ABCB1: variants seen among roughly 807,000 people sequenced by gnomAD.
ABCB1 encodes the protein ATP-dependent translocase ABCB1.
Under a neutral mutation model 142.0 loss-of-function variants are expected in ABCB1, and 69 were observed. The observed-to-expected ratio is 0.49, with a 90% CI of 0.40 to 0.59. The LOEUF is 0.59. ABCB1 is among the 20% of genes least tolerant of loss of function. The pLI is 0.00. For missense variants in ABCB1, 1,326 were observed against 1,554.7 expected, an observed-to-expected ratio of 0.85 and a Z score of 2.47; for synonymous variants, 532 against 539.2, an observed-to-expected ratio of 0.99 and a Z score of 0.18.
At chr7:87,694,535 AC>A (rs1161606577) in intron 1 of ABCB1, among the ~76,000 whole-genome samples, 2 of 152,234 alleles carry the variant, frequency 1.3e-5, no homozygotes, top group African/African-American at 4.8e-5. Context: ...AAAGTAAAAA[AC>A]AAATGTCATT....
At chr7:87,685,509 GA>G (rs5885593) in intron 1 of ABCB1, among the ~76,000 whole-genome samples, 3 of 151,622 alleles carry the variant, frequency 2.0e-5, no homozygotes, top group Non-Finnish European at 4.4e-5. Flanking sequence ...TAATAAAAAG[GA>G]AAAAAAATTT....
intron 17 of ABCB1, 95 bp downstream of exon 17, chr7:87,544,034 T>C (rs1027811942): frequency 6.1e-5 from 89 of 1,459,428 alleles, no homozygotes; most frequent in Non-Finnish European, 1.5e-5. Flanking sequence ...GTGGATTTTG[T>C]TGTTTTTGTA....
At chr7:87,642,195 T>A (rs1055449783) in intron 1 of ABCB1, among the ~76,000 whole-genome samples, 4 of 152,010 alleles carry the variant, frequency 2.6e-5, no homozygotes, top group African/African-American at 7.2e-5. Flanking sequence ...ATATATATAT[T>A]TTTAAAACTG....
At chr7:87,687,406 C>T (rs1459045753) in intron 1 of ABCB1, among the ~76,000 whole-genome samples, 1 of 152,140 alleles carries the variant, frequency 6.6e-6, no homozygotes, top group Non-Finnish European at 1.5e-5. Context: ...CACCTCCCCT[C>T]CTTTCAACCT....
chr7:87,684,317 A>T (rs574840587), intron 1 of ABCB1, among the ~76,000 whole-genome samples: 1 of 152,298 alleles, frequency 6.6e-6, no homozygotes, highest in African/African-American at 2.4e-5. Flanking sequence ...TTTTTTGTAG[A>T]TATAAAACTT....
intron 1 of ABCB1, among the ~76,000 whole-genome samples, chr7:87,670,811 G>T (rs1825750440): frequency 6.6e-6 from 1 of 152,170 alleles, no homozygotes; most frequent in Non-Finnish European, 1.5e-5. Context: ...TGGTCAGTTG[G>T]TAGACTTGTT....
intron 20 of ABCB1, among the ~76,000 whole-genome samples, chr7:87,534,910 G>C (rs756269036): frequency 1.1e-5 from 1 of 90,560 alleles, no homozygotes; most frequent in Non-Finnish European, 1.9e-5. Context: ...GAGAGACCCT[G>C]TCTCTTTAAA....
At chr7:87,529,340 T>C (rs1815931695) in intron 21 of ABCB1, among the ~76,000 whole-genome samples, 1 of 152,206 alleles carries the variant, frequency 6.6e-6, no homozygotes, top group African/African-American at 2.4e-5. Flanking sequence ...AAGTACTAAA[T>C]AGCAGCTTGA....
At chr7:87,616,913 GGT>G (rs1160392411) in intron 1 of ABCB1, among the ~76,000 whole-genome samples, 1 of 152,086 alleles carries the variant, frequency 6.6e-6, no homozygotes, top group Non-Finnish European at 1.5e-5. Context: ...AGCTAGAATT[GGT>G]CTGTCTCTTC....
At chr7:87,623,845 G>T (rs1056895720) in intron 1 of ABCB1, among the ~76,000 whole-genome samples, 1 of 151,856 alleles carries the variant, frequency 6.6e-6, no homozygotes, top group African/African-American at 2.4e-5. Flanking sequence ...GAAAAATAAT[G>T]ACATGATAGC....
chr7:87,679,667 A>G (rs753188586), intron 1 of ABCB1, among the ~76,000 whole-genome samples: 14 of 150,328 alleles, frequency 9.3e-5, no homozygotes, highest in Non-Finnish European at 1.8e-4. Context: ...TGAGATTACA[A>G]GTGTGAACCA....
intron 3 of ABCB1, among the ~76,000 whole-genome samples, chr7:87,592,859 CCTAAGA>C (rs200950819): frequency 0.03 from 4,551 of 151,950 alleles, 64 homozygotes; most frequent in Middle Eastern, 0.048. Flanking sequence ...TTAATGTTTC[CCTAAGA>C]CACACATAAT....
intron 1 of ABCB1, among the ~76,000 whole-genome samples, chr7:87,695,053 G>T (rs535285216): frequency 6.6e-6 from 1 of 152,086 alleles, no homozygotes; most frequent in African/African-American, 2.4e-5. Context: ...TGATATACTT[G>T]AAGTGTCCTG....
At position 87,563,362 on chromosome 7, in the gene ABCB1, A is replaced by G. The variant is rs1014657107; in HGVS notation, c.703-1975T>C. 5.5e-5 allele frequency: 25 copies of G among 455,340 alleles called. No homozygotes were observed. In the Admixed American group the frequency reaches 5.9e-4, roughly 11 times the overall value. 28.2% of individuals were successfully genotyped at this position (455,340 alleles called of 1,614,324 possible). ...AAAACCTGGCAGAGATACAACAACA[A>G]AAAAACTTTGGGCCAGTATCCTTGA... On this transcript the variant is annotated intron_variant, in intron 7 of 27. Transcript: ENST00000622132.
intron 18 of ABCB1, among the ~76,000 whole-genome samples, chr7:87,539,553 T>C (rs1816441037): frequency 6.6e-6 from 1 of 152,184 alleles, no homozygotes; most frequent in Non-Finnish European, 1.5e-5. Flanking sequence ...AAACTGAGGC[T>C]TAGAGAGCCT....
intron 21 of ABCB1, among the ~76,000 whole-genome samples, chr7:87,523,776 A>G (rs1239680388): frequency 6.6e-6 from 1 of 152,200 alleles, no homozygotes; most frequent in Non-Finnish European, 1.5e-5. Flanking sequence ...ATGAGATTTC[A>G]GCCTACATCA....
At chr7:87,666,348 C>G (rs766958777) in intron 1 of ABCB1, among the ~76,000 whole-genome samples, 1 of 151,874 alleles carries the variant, frequency 6.6e-6, no homozygotes, top group Non-Finnish European at 1.5e-5. Flanking sequence ...TTGTTTTTTC[C>G]TTGTAAATTT....
intron 1 of ABCB1, among the ~76,000 whole-genome samples, chr7:87,652,043 T>C (rs1418724791): frequency 6.6e-6 from 1 of 152,132 alleles, no homozygotes; most frequent in Non-Finnish European, 1.5e-5. Flanking sequence ...AAGCAAAGGA[T>C]ATGGTAGTAT....
At chr7:87,651,323 G>A (rs566541248) in intron 1 of ABCB1, among the ~76,000 whole-genome samples, 4 of 152,200 alleles carry the variant, frequency 2.6e-5, no homozygotes, top group African/African-American at 7.2e-5. Flanking sequence ...CTTTGTAAAT[G>A]TTTTAGCAGG....
Sources: gnomAD v4.1 joint callset for allele counts (sites outside exome capture counted in the v4.1 genomes callset) on GRCh38, gnomAD v4.1.1 for gene constraint, MANE v1.5 for transcripts, NCBI Gene and HGNC (gene_info 2026-07-23, HGNC 2026-07-21) for gene names.